The following PREX1 variants were observed in gnomAD, a reference collection of about 807,000 sequenced individuals.
PREX1 encodes phosphatidylinositol-3,4,5-trisphosphate dependent Rac exchange factor 1.
A neutral mutation model predicts 198.3 loss-of-function variants in PREX1; 41 were observed. The observed-to-expected ratio is 0.21, with a 90% confidence interval of 0.16 to 0.27. The LOEUF is 0.27. PREX1 is among the 10% of genes least tolerant of loss of function. The probability of loss-of-function intolerance (pLI) is 1.00; values close to 1 mark genes in which losing one functional copy is unlikely to be tolerated. For missense variants in PREX1, 1,620 were observed against 2,200.7 expected (o/e 0.74, Z 5.28); for synonymous variants, 843 against 887.2 (o/e 0.95, Z 0.89).
intron 7 of PREX1, among the ~76,000 whole-genome samples, chr20:48,696,816 T>G (rs960758715): frequency 3.9e-5 from 6 of 152,120 alleles, no homozygotes; most frequent in Non-Finnish European, 8.8e-5. Context: ...TGGGCAAATT[T>G]CTTCTCCTGC....
At chr20:48,793,110 G>T (rs895203232) in intron 1 of PREX1, among the ~76,000 whole-genome samples, 5 of 152,074 alleles carry the variant, frequency 3.3e-5, no homozygotes, top group African/African-American at 1.2e-4. Flanking sequence ...AAGGCTGAGG[G>T]GGGAGAATTG....
At chr20:48,669,535 T>G (rs2089661478) in intron 14 of PREX1, among the ~76,000 whole-genome samples, 1 of 151,592 alleles carries the variant, frequency 6.6e-6, no homozygotes, top group Non-Finnish European at 1.5e-5. Context: ...TCCTACTTGG[T>G]GGGGCACAAA....
At chr20:48,768,077 G>A (rs1299997651) in intron 1 of PREX1, among the ~76,000 whole-genome samples, 1 of 152,178 alleles carries the variant, frequency 6.6e-6, no homozygotes, top group East Asian at 1.9e-4. Flanking sequence ...AGAAGATGCT[G>A]AATAAATACT....
chr20:48,663,062 T>C (rs1370457342), intron 15 of PREX1, among the ~76,000 whole-genome samples: 1 of 152,046 alleles, frequency 6.6e-6, no homozygotes, highest in Non-Finnish European at 1.5e-5. Context: ...CACATGAAAA[T>C]GCCCTCAGCT....
rs117532091 is a variant in PREX1 at position 48,637,459 on chromosome 20, C to T, written c.3946+252G>A. The stretch of plus-strand genomic sequence containing the variant: ...CTACCGGCACAAGGCCCCCTAACAT[C>T]GTCCTCTATCCCGGGGCCCCGTCAA... On this transcript the variant is annotated intron_variant, in intron 31 of 39. Transcript: ENST00000371941. 3.0e-3 allele frequency among the ~76,000 whole-genome samples: 463 copies of T among 152,374 alleles called. 10 individuals are homozygous for T. In the East Asian group the frequency reaches 0.064, roughly 21 times the overall value.
chr20:48,861,258 A>T, the PREX1 span, among the ~76,000 whole-genome samples: 1 of 152,182 alleles, frequency 6.6e-6, no homozygotes, highest in African/African-American at 2.4e-5. Context: ...ACTTTGGGGA[A>T]CCTTAAACAA....
chr20:48,667,975 A>T (rs2089650699), intron 14 of PREX1, among the ~76,000 whole-genome samples: 1 of 152,114 alleles, frequency 6.6e-6, no homozygotes, highest in Non-Finnish European at 1.5e-5. Flanking sequence ...GCTTCTCAGC[A>T]TTTCCCGGTG....
chr20:48,887,294 C>T, the PREX1 span, among the ~76,000 whole-genome samples: 1 of 152,128 alleles, frequency 6.6e-6, no homozygotes, highest in Non-Finnish European at 1.5e-5. Flanking sequence ...TGTTGGTGGC[C>T]AGGAGCAGTG....
At position 48,821,395 on chromosome 20, in the gene PREX1, G is replaced by C. The variant is rs192364010; in HGVS notation, c.219+6247C>G. Reference sequence around the variant, plus strand: ...CCTGCAAAACAAGGAGATTCAGACCGAATGACCCACCTGGCTTCTGTTCAA... The same window carrying C: ...CCTGCAAAACAAGGAGATTCAGACCCAATGACCCACCTGGCTTCTGTTCAA... On this transcript the variant is annotated intron_variant, in intron 1 of 39. Transcript: ENST00000371941. 1.1e-4 allele frequency among the ~76,000 whole-genome samples: 16 copies of C among 152,210 alleles called. No individual in the cohort carries two copies. In the East Asian group the frequency reaches 2.5e-3, roughly 24 times the overall value.
chr20:48,702,023 A>G (rs1288296939), intron 6 of PREX1, among the ~76,000 whole-genome samples: 1 of 152,134 alleles, frequency 6.6e-6, no homozygotes, highest in Non-Finnish European at 1.5e-5. Flanking sequence ...CCAGCCTGGC[A>G]ACATGGTGAA....
chr20:48,806,885 G>A (rs1377861984), intron 1 of PREX1, among the ~76,000 whole-genome samples: 5 of 152,186 alleles, frequency 3.3e-5, no homozygotes. Flanking sequence ...GCTGGGGCTG[G>A]GGAAAAGGAA....
chr20:48,797,436 T>C (rs895161071), intron 1 of PREX1, among the ~76,000 whole-genome samples: 1 of 146,792 alleles, frequency 6.8e-6, no homozygotes, highest in Non-Finnish European at 1.5e-5. Context: ...GGGAACAATA[T>C]CCCCTTTTAC....
chr20:48,669,349 A>G (rs1050956224), intron 14 of PREX1, among the ~76,000 whole-genome samples: 1 of 152,142 alleles, frequency 6.6e-6, no homozygotes, highest in Non-Finnish European at 1.5e-5. Flanking sequence ...AACGCTCACC[A>G]GTCACACACA....
chr20:48,858,949 G>A, the PREX1 span, among the ~76,000 whole-genome samples: 4 of 152,006 alleles, frequency 2.6e-5, no homozygotes, highest in Non-Finnish European at 5.9e-5. Context: ...AGGCTGGAGT[G>A]GGGTGGTGGA....
chr20:48,659,802 CT>C, intron 16 of PREX1, 116 bp downstream of exon 16: 5 of 1,420,090 alleles, frequency 3.5e-6, no homozygotes, highest in Non-Finnish European at 4.8e-6. Context: ...TAGAATCCAC[CT>C]ATTCTGGTAC....
intron 37 of PREX1, among the ~76,000 whole-genome samples, chr20:48,628,910 G>A (rs748224358): frequency 3.3e-5 from 5 of 152,184 alleles, no homozygotes; most frequent in African/African-American, 7.2e-5. Flanking sequence ...CTGCCCTGAG[G>A]GAGCCAAGGA....
chr20:48,800,011 C>T (rs906103314), intron 1 of PREX1, among the ~76,000 whole-genome samples: 6 of 152,152 alleles, frequency 3.9e-5, no homozygotes, highest in Admixed American at 1.3e-4. Flanking sequence ...CCAGCTGTGG[C>T]GGAGGGGAGA....
intron 33 of PREX1, 111 bp from the exon 34 acceptor site, chr20:48,632,750 G>C: frequency 1.6e-6 from 2 of 1,236,470 alleles, no homozygotes; most frequent in Non-Finnish European, 2.3e-6. Flanking sequence ...GTCCAGGGGG[G>C]CACCCTGGGA....
chr20:48,697,881 T>C (rs1185782434), intron 7 of PREX1, among the ~76,000 whole-genome samples: 1 of 152,204 alleles, frequency 6.6e-6, no homozygotes, highest in African/African-American at 2.4e-5. Context: ...AGAAGCACTG[T>C]GAGTCAGAGA....
Sources: gnomAD v4.1 joint callset for allele counts (sites outside exome capture counted in the v4.1 genomes callset) on GRCh38, gnomAD v4.1.1 for gene constraint, MANE v1.5 for transcripts, NCBI Gene and HGNC (gene_info 2026-07-23, HGNC 2026-07-21) for gene names.